The following OCIAD1 variants were observed in gnomAD, a reference collection of about 807,000 sequenced individuals.
OCIAD1 encodes the protein OCIA domain-containing protein 1.
In OCIAD1, 29 loss-of-function variants were observed where a neutral mutation model predicts 38.9. The ratio of observed to expected loss-of-function variants is 0.74; its 90% CI spans 0.55 to 1.02. The LOEUF (loss-of-function observed/expected upper bound fraction) is 1.02. Ranked by LOEUF, OCIAD1 falls within the 50% of genes least tolerant of loss-of-function variation. The pLI is 0.00. For synonymous variants in OCIAD1, 110 were observed against 92.0 expected, an observed-to-expected ratio of 1.20 and a Z score of -1.12; for missense variants, 288 against 289.6, an observed-to-expected ratio of 0.99 and a Z score of 0.04.
chr4:48,857,706 G>T (rs1780190576), intron 8 of OCIAD1, among the ~76,000 whole-genome samples: 1 of 151,854 alleles, frequency 6.6e-6, no homozygotes, highest in Non-Finnish European at 1.5e-5. Context: ...GTAGAGATGG[G>T]GTTTCATCAT....
intron 1 of OCIAD1, among the ~76,000 whole-genome samples, chr4:48,822,027 A>G (rs1301092399): frequency 6.6e-6 from 1 of 152,248 alleles, no homozygotes; most frequent in Non-Finnish European, 1.5e-5. Flanking sequence ...CTTTCTTCAC[A>G]GAATTGGAAA....
chr4:48,842,659 A>G lies in OCIAD1; in HGVS notation c.163A>G (p.Met55Val), dbSNP rs749548118. 1.0e-5 allele frequency: 16 copies of G among 1,576,326 alleles called. No homozygotes were observed. The highest frequency in any genetic ancestry group is 1.2e-5 in the Non-Finnish European group (14 of 1,161,640). Residue 55 changes from methionine to valine, a missense_variant, in exon 4 of 9, where the codon ATG (methionine) becomes GTG (valine). Transcript: ENST00000264312. ...FRSVPLAATS[M>V]LITQGLISKG... ...AGCTGTGCCTTTGGCTGCAACAAGT[A>G]TGTTGATTACTCAAGGATTAATTAG...
chr4:48,843,125 C>T (rs1369389794), intron 4 of OCIAD1, among the ~76,000 whole-genome samples: 4 of 152,078 alleles, frequency 2.6e-5, no homozygotes, highest in Non-Finnish European at 4.4e-5. Context: ...GGATGAGTGG[C>T]GGTGAGTTAG....
chr4:48,805,878 A>G (rs555164887), intron 1 of OCIAD1, among the ~76,000 whole-genome samples: 5 of 152,358 alleles, frequency 3.3e-5, no homozygotes, highest in African/African-American at 1.2e-4. Flanking sequence ...TCTAGAAAAG[A>G]TAATATTCAT....
intron 3 of OCIAD1, among the ~76,000 whole-genome samples, chr4:48,837,451 C>T (rs1453561087): frequency 2.0e-5 from 3 of 151,676 alleles, no homozygotes; most frequent in Non-Finnish European, 2.9e-5. Flanking sequence ...TGCCACCATG[C>T]TCAGCTAATT....
chr4:48,848,057 T>A (rs1453926473), intron 4 of OCIAD1, among the ~76,000 whole-genome samples: 2 of 151,964 alleles, frequency 1.3e-5, no homozygotes, highest in Non-Finnish European at 2.9e-5. Flanking sequence ...AGCGTTTTTT[T>A]TTTTGGTGCT....
chr4:48,861,774 G>T lies in OCIAD1; in HGVS notation c.*1012G>T, dbSNP rs1780605333. On this transcript the variant is annotated 3_prime_UTR_variant, in exon 9 of 9. Coordinates refer to ENST00000264312, the MANE Select transcript of OCIAD1 (RefSeq NM_017830.4). ...AAATGCCTTAAAAAGCATTTTTAAAGAATTTGTAAATTCTAAAACAATAAA... is the reference window on the plus strand; with the variant it reads ...AAATGCCTTAAAAAGCATTTTTAAATAATTTGTAAATTCTAAAACAATAAA... The T allele has an allele frequency of 6.6e-6, 1 of 152,122 alleles. No individual in the cohort carries two copies. The highest frequency in any genetic ancestry group is 1.5e-5 in the Non-Finnish European group (1 of 68,010). The allele number at this position is 152,122 out of a possible 1,614,324, so 9.4% of individuals were successfully genotyped here. A position where few individuals can be genotyped will look rare whatever the true frequency, so the allele number is the denominator to read the frequency against.
At position 48,857,246 on chromosome 4, in the gene OCIAD1, G is replaced by GA. The variant is rs761243131; in HGVS notation, c.587dup (p.Asn196LysfsTer5). 5 of 1,565,722 alleles carry GA rather than the reference G, an allele frequency of 3.2e-6. No homozygotes were observed. In the South Asian group the frequency reaches 4.9e-5, roughly 15 times the overall value. ...CCCAACCTTGAAGAAAGTCCTAAAAGAAAAAATATTACATATGAGGAATTA... is the reference window on the plus strand; with the variant it reads ...CCCAACCTTGAAGAAAGTCCTAAAAGAAAAAAATATTACATATGAGGAATTA... On this transcript the variant is annotated frameshift_variant, in exon 8 of 9. Coordinates refer to ENST00000264312, the MANE Select transcript of OCIAD1 (RefSeq NM_017830.4). LOFTEE classifies it high-confidence loss of function.
At chr4:48,811,252 C>T (rs1383135997) in intron 1 of OCIAD1, among the ~76,000 whole-genome samples, 9 of 152,184 alleles carry the variant, frequency 5.9e-5, no homozygotes, top group East Asian at 1.9e-4. Context: ...CTGGCCTCCA[C>T]GTCTTGTTTC....
upstream of OCIAD1, among the ~76,000 whole-genome samples, chr4:48,830,332 C>T (rs1414986388): frequency 6.6e-6 from 1 of 152,134 alleles, no homozygotes; most frequent in African/African-American, 2.4e-5. Flanking sequence ...AGATGAGAAA[C>T]CTGAGAGGCT....
chr4:48,847,374 AT>A (rs987575543), intron 4 of OCIAD1, among the ~76,000 whole-genome samples: 5 of 151,988 alleles, frequency 3.3e-5, no homozygotes, highest in African/African-American at 1.2e-4. Context: ...TATGGTGATT[AT>A]TTTTTCCCCA....
chr4:48,808,365 G>A (rs1210257461), intron 1 of OCIAD1, among the ~76,000 whole-genome samples: 1 of 152,116 alleles, frequency 6.6e-6, no homozygotes, highest in Non-Finnish European at 1.5e-5. Context: ...AGCTACTCAG[G>A]AAGCTGAGGT....
chr4:48,853,323 A>G (rs186494013), intron 7 of OCIAD1, among the ~76,000 whole-genome samples: 13 of 152,342 alleles, frequency 8.5e-5, no homozygotes, highest in Admixed American at 4.6e-4. Flanking sequence ...ATTTCATTAT[A>G]GAAATATTAA....
At chr4:48,842,278 T>C (rs1204405929) in intron 3 of OCIAD1, among the ~76,000 whole-genome samples, 2 of 152,254 alleles carry the variant, frequency 1.3e-5, no homozygotes, top group Non-Finnish European at 2.9e-5. Flanking sequence ...ACTTGTTTCT[T>C]ACCTCTCCTT....
intron 2 of OCIAD1, 82 bp downstream of exon 2, chr4:48,832,764 G>A (rs1173201413): frequency 9.6e-7 from 1 of 1,036,530 alleles, no homozygotes; most frequent in Admixed American, 1.7e-5. Context: ...AGTGGCAGGT[G>A]GGCTGGCTTC....
At chr4:48,849,321 TA>T (rs1247054925) in intron 5 of OCIAD1, among the ~76,000 whole-genome samples, 1 of 151,954 alleles carries the variant, frequency 6.6e-6, no homozygotes, top group Non-Finnish European at 1.5e-5. Flanking sequence ...AATAAATAAA[TA>T]AAAGAAAAAG....
At chr4:48,841,820 T>C (rs1778559221) in intron 3 of OCIAD1, among the ~76,000 whole-genome samples, 2 of 152,192 alleles carry the variant, frequency 1.3e-5, no homozygotes, top group Admixed American at 6.5e-5. Flanking sequence ...TTTGAGATTA[T>C]GAGTTTTGGA....
intron 1 of OCIAD1, among the ~76,000 whole-genome samples, chr4:48,822,441 C>G (rs1777203629): frequency 6.6e-6 from 1 of 152,114 alleles, no homozygotes; most frequent in Non-Finnish European, 1.5e-5. Context: ...TCATAAAAAC[C>G]TTAGAAGAAA....
intron 3 of OCIAD1, among the ~76,000 whole-genome samples, chr4:48,840,114 A>T (rs1265197934): frequency 6.6e-6 from 1 of 152,248 alleles, no homozygotes; most frequent in Non-Finnish European, 1.5e-5. Flanking sequence ...GGTCTAATCC[A>T]TTATTCCTTT....
Sources: gnomAD v4.1 joint callset for allele counts (sites outside exome capture counted in the v4.1 genomes callset) on GRCh38, gnomAD v4.1.1 for gene constraint, MANE v1.5 for transcripts, NCBI Gene and HGNC (gene_info 2026-07-23, HGNC 2026-07-21) for gene names.